Variants in EVC observed in about 807,000 individuals in gnomAD.
EVC encodes the protein EvC ciliary complex subunit 1.
EVC carries 116 observed loss-of-function variants against 118.9 expected under a neutral mutation model. That is an observed-to-expected ratio of 0.98 (90% confidence interval 0.84 to 1.14). EVC has a LOEUF of 1.14. Among genes scored for constraint, EVC ranks in the 50% most tolerant of loss-of-function variants. EVC has a pLI of 0.00. For synonymous variants in EVC, 619 were observed against 534.7 expected (o/e 1.16, Z -2.18); for missense variants, 1,401 against 1,246.4 (o/e 1.12, Z -1.87).
intron 5 of EVC, among the ~76,000 whole-genome samples, chr4:5,740,902 T>C (rs575979223): frequency 6.6e-6 from 1 of 152,268 alleles, no homozygotes; most frequent in Admixed American, 6.5e-5. Flanking sequence ...CACCACACAC[T>C]TGTCAAAATG....
At position 5,731,529 on chromosome 4, in the gene EVC, C is replaced by A. The variant is rs1490742182; in HGVS notation, c.489C>A (p.Ser163Arg). The change falls in exon 4 of 21, where the codon AGC (serine) becomes AGA (arginine). Residue 163 changes from serine (S) to arginine (R), a missense_variant. Transcript: ENST00000264956. The surrounding 1 kb of genome is among the most constrained non-coding windows in gnomAD (Gnocchi z 5.6). The stretch of plus-strand genomic sequence containing the variant: ...CCTCTCCTTCCAGCAGTCTGGGGAG[C>A]CTGAGCCAGGGTGAGAAGGACGACT... The part of the protein sequence containing the change: ...VEASPSSSLG[S>R]LSQGEKDDCS... 6.2e-7 allele frequency: 1 copy of A among 1,613,974 alleles called. No individual in the cohort carries two copies. The highest frequency in any genetic ancestry group is 8.5e-7 in the Non-Finnish European group (1 of 1,180,024).
the EVC span, chr4:5,825,224 G>A: frequency 2.0e-6 from 2 of 985,252 alleles, no homozygotes; most frequent in Non-Finnish European, 2.4e-6. This position sits in a 1 kb window ranked among gnomAD's most constrained non-coding sequence, Gnocchi z 4.4. Context: ...TGTGTGTAAG[G>A]ATGAGCACTG....
At chr4:5,825,731 G>C in the EVC span, 4 of 1,523,386 alleles carry the variant, frequency 2.6e-6, no homozygotes, top group African/African-American at 2.8e-5. The surrounding 1 kb of genome is among the most constrained non-coding windows in gnomAD (Gnocchi z 4.4). Context: ...ATAAAGCAGA[G>C]CCCTGCGGGC....
chr4:5,720,545 G>T (rs558943882), intron 2 of EVC, among the ~76,000 whole-genome samples: 13 of 152,306 alleles, frequency 8.5e-5, no homozygotes, highest in Non-Finnish European at 1.3e-4. Context: ...AAGAAAGTGG[G>T]CTCGGGATAT....
chr4:5,768,412 G>A (rs1265739432), intron 11 of EVC, among the ~76,000 whole-genome samples: 1 of 152,126 alleles, frequency 6.6e-6, no homozygotes, highest in Non-Finnish European at 1.5e-5. Flanking sequence ...CAGGGAGAAA[G>A]CCTGGAGCTT....
At chr4:5,791,918 C>T (rs985149310) in intron 12 of EVC, among the ~76,000 whole-genome samples, 21 of 152,178 alleles carry the variant, frequency 1.4e-4, no homozygotes, top group Admixed American at 7.2e-4. Flanking sequence ...CCTTTCTAAC[C>T]CCTCTACACA....
Position 5,798,630 on chromosome 4 carries a change from A to T in EVC, c.2142A>T (p.Ala714=). ...LEEASRLEEE[A]QQTRLQLQQR... ...AGGCCAGCCGGCTAGAGGAGGAAGC[A>T]CAGCAGACACGGCTGCAGCTCCAGC... Residue 714 remains alanine (A), a synonymous_variant, in exon 15 of 21, where the codon GCA becomes GCT. Transcript: ENST00000264956. The surrounding 1 kb of genome is among the most constrained non-coding windows in gnomAD (Gnocchi z 4.1). The T allele has an allele frequency of 6.3e-7, 1 of 1,589,574 alleles. No individual in the cohort carries two copies. Among genetic ancestry groups the T allele is most frequent in the South Asian group, 1.1e-5 (1 of 87,270 alleles).
intron 18 of EVC, among the ~76,000 whole-genome samples, chr4:5,809,278 C>G (rs2152391066): frequency 6.6e-6 from 1 of 152,338 alleles, no homozygotes; most frequent in South Asian, 2.1e-4. Context: ...TGTACTCTGT[C>G]AACTGAAGAC....
chr4:5,751,165 T>G (rs553930307), intron 8 of EVC, among the ~76,000 whole-genome samples: 20 of 152,330 alleles, frequency 1.3e-4, no homozygotes, highest in Admixed American at 1.0e-3. Context: ...TTCACGTATT[T>G]TGACTTACTT....
Position 5,804,807 on chromosome 4 carries a change from G to A in EVC, c.2527G>A (p.Gly843Ser), listed in dbSNP as rs774153178. The A allele has an allele frequency of 2.7e-5, 44 of 1,614,012 alleles. No homozygotes were observed. Among genetic ancestry groups the A allele is most frequent in the Non-Finnish European group, 3.6e-5 (43 of 1,180,048 alleles). Residue 843 changes from glycine to serine, a missense_variant, in exon 17 of 21, where the codon GGC (glycine) becomes AGC (serine). Gly to Ser is a moderately conservative substitution (Grantham distance 56). Transcript: ENST00000264956. Reference protein sequence around the residue: ...NPSSGSRTAGGAHETSQAVHQ... With the variant: ...NPSSGSRTAGSAHETSQAVHQ... Reference sequence around the variant, plus strand: ...TTCGTCGGGCAGCAGGACGGCAGGTGGCGCTCATGAGACCTCCCAGGCGGT... The same window carrying A: ...TTCGTCGGGCAGCAGGACGGCAGGTAGCGCTCATGAGACCTCCCAGGCGGT...
intron 14 of EVC, 120 bp downstream of exon 14, chr4:5,797,352 T>C (rs1214888360): frequency 3.6e-6 from 3 of 839,430 alleles, no homozygotes; most frequent in African/African-American, 1.7e-5. Context: ...CAGGGTGCGG[T>C]ATTCATTCGC....
chr4:5,730,429 T>C (rs1321344900), intron 3 of EVC, among the ~76,000 whole-genome samples: 2 of 151,982 alleles, frequency 1.3e-5, no homozygotes, highest in Admixed American at 6.5e-5. Context: ...CAAGGAGCTG[T>C]TCCCTGGAAC....
rs149883288 is a variant in EVC, at chr4:5,798,252, C to G, written c.2098-334C>G. 4.6e-5 allele frequency among the ~76,000 whole-genome samples: 7 copies of G among 152,344 alleles called. No individual in the cohort carries two copies. The East Asian group carries it at 1.3e-3, about 29-fold the overall frequency. ...GACTTTAGAAAGTTACTTAACTTCT[C>G]TGAGCCTTCGTGTCCTCCTCAGTGC... is the stretch of plus-strand genomic sequence containing the variant. On this transcript the variant is annotated intron_variant, in intron 14 of 20. Coordinates refer to ENST00000264956, the MANE Select transcript of EVC (RefSeq NM_153717.3). This position sits in a 1 kb window ranked among gnomAD's most constrained non-coding sequence, Gnocchi z 4.1.
chr4:5,713,592 G>A (rs905100141), intron 1 of EVC, among the ~76,000 whole-genome samples: 8 of 150,488 alleles, frequency 5.3e-5, no homozygotes, highest in African/African-American at 9.8e-5. Flanking sequence ...CAGGAGAATC[G>A]CTGGAACCTG....
At chr4:5,786,785 T>C (rs1711705841) in intron 12 of EVC, among the ~76,000 whole-genome samples, 1 of 147,520 alleles carries the variant, frequency 6.8e-6, no homozygotes, top group African/African-American at 2.5e-5. Flanking sequence ...GGCAGGAGAA[T>C]GGCGTGAACC....
chr4:5,828,456 CG>C, the EVC span: 1 of 1,602,484 alleles, frequency 6.2e-7, no homozygotes, highest in East Asian at 2.2e-5. Flanking sequence ...TCTGGTCCCA[CG>C]GGTGGGCCCG....
In EVC at chr4:5,801,938, T is replaced by G; in HGVS notation, c.2305-12T>G. ...CTTCTCTGCTGTCCCTGTCCTTCCT[T>G]TCTTCCCTCAGAGGACACTGATGGA... is the stretch of plus-strand genomic sequence containing the variant. On this transcript the variant is annotated splice_polypyrimidine_tract_variant and intron_variant, in intron 15 of 20. Transcript: ENST00000264956. 6.2e-7 allele frequency: 1 copy of G among 1,612,612 alleles called. No homozygotes were observed. Among genetic ancestry groups the G allele is most frequent in the Non-Finnish European group, 8.5e-7 (1 of 1,179,844 alleles).
chr4:5,725,232 G>A (rs1442155754), intron 2 of EVC, among the ~76,000 whole-genome samples: 1 of 152,142 alleles, frequency 6.6e-6, no homozygotes, highest in Non-Finnish European at 1.5e-5. Context: ...CCTTTGGGTA[G>A]ATACCCAGTA....
At chr4:5,715,944 A>C (rs1723888582) in intron 1 of EVC, among the ~76,000 whole-genome samples, 1 of 152,052 alleles carries the variant, frequency 6.6e-6, no homozygotes, top group African/African-American at 2.4e-5. Context: ...GGGTTTCACC[A>C]TGTTGGCCAG....
Sources: allele counts gnomAD v4.1 joint callset (sites outside exome capture counted in the v4.1 genomes callset), GRCh38; gene constraint gnomAD v4.1.1; non-coding constraint Gnocchi (gnomAD v3.1); transcripts MANE v1.5; gene names NCBI Gene and HGNC (gene_info 2026-07-23, HGNC 2026-07-21).